The following DENND1A variants were observed in gnomAD, a reference collection of about 807,000 sequenced individuals.
DENND1A encodes the protein DENN domain-containing protein 1A.
In DENND1A, 51 loss-of-function variants were observed where a neutral mutation model predicts 113.7. That is an observed-to-expected ratio of 0.45 (90% CI 0.36 to 0.57). The LOEUF is 0.57. Among genes scored for constraint, DENND1A ranks in the 20% least tolerant of loss-of-function variants. The probability of loss-of-function intolerance (pLI) is 0.00; values close to 1 mark genes in which losing one functional copy is unlikely to be tolerated. For synonymous variants in DENND1A, 565 were observed against 570.8 expected, an observed-to-expected ratio of 0.99 and a Z score of 0.14; for missense variants, 1,258 against 1,395.9, an observed-to-expected ratio of 0.90 and a Z score of 1.57.
At chr9:123,614,913 A>G (rs1162528968) in intron 10 of DENND1A, among the ~76,000 whole-genome samples, 1 of 152,252 alleles carries the variant, frequency 6.6e-6, no homozygotes, top group African/African-American at 2.4e-5. Flanking sequence ...TTTGTAAAAG[A>G]CACAAACGTG....
intron 11 of DENND1A, among the ~76,000 whole-genome samples, chr9:123,583,689 T>G (rs1263960842): frequency 6.6e-6 from 1 of 152,204 alleles, no homozygotes; most frequent in African/African-American, 2.4e-5. Flanking sequence ...TAACAAAGGC[T>G]ACTTGCCCAT....
chr9:123,712,677 CAG>C (rs1388828505), intron 5 of DENND1A, among the ~76,000 whole-genome samples: 1 of 152,158 alleles, frequency 6.6e-6, no homozygotes, highest in Non-Finnish European at 1.5e-5. Context: ...TCTGTTATAA[CAG>C]TGGAAATGTT....
rs192997014 is a variant in DENND1A at position 123,422,155 on chromosome 9, C to T, written c.1489-10326G>A. Reference sequence around the variant, plus strand: ...CTGGCTCCTGGCACAAGGCCTGGCACGCGGTCAAGTTAAAGTAAATGGCTG... The same window carrying T: ...CTGGCTCCTGGCACAAGGCCTGGCATGCGGTCAAGTTAAAGTAAATGGCTG... On this transcript the variant is annotated intron_variant, in intron 19 of 23. Transcript: ENST00000394215. The surrounding 1 kb of genome is among the most constrained non-coding windows in gnomAD (Gnocchi z 4.8). Among the ~76,000 whole-genome samples, 16 of 152,314 alleles carry T rather than the reference C, an allele frequency of 1.1e-4. No homozygotes were observed. Among genetic ancestry groups the T allele is most frequent in the Non-Finnish European group, 2.1e-4 (14 of 68,028 alleles).
chr9:123,398,894 A>G (rs2043280266), intron 21 of DENND1A, among the ~76,000 whole-genome samples: 1 of 151,264 alleles, frequency 6.6e-6, no homozygotes. Context: ...TCCTAGGTTC[A>G]AGCGATTCTC....
At chr9:123,922,498 T>A (rs1468758098) in intron 1 of DENND1A, among the ~76,000 whole-genome samples, 1 of 152,248 alleles carries the variant, frequency 6.6e-6, no homozygotes, top group Non-Finnish European at 1.5e-5. Context: ...CACGTTCCAA[T>A]GCGTCATCTT....
At chr9:123,849,277 C>T (rs1843018107) in intron 2 of DENND1A, among the ~76,000 whole-genome samples, 1 of 152,294 alleles carries the variant, frequency 6.6e-6, no homozygotes. Flanking sequence ...CAATGCTCAT[C>T]GACCATTCTG....
chr9:123,435,523 G>A (rs2046451902), intron 19 of DENND1A, among the ~76,000 whole-genome samples: 1 of 152,200 alleles, frequency 6.6e-6, no homozygotes, highest in African/African-American at 2.4e-5. Flanking sequence ...TGTTCAGATG[G>A]GAGAAGAACA....
At chr9:123,478,816 G>A (rs1450933951) in intron 13 of DENND1A, among the ~76,000 whole-genome samples, 2 of 152,184 alleles carry the variant, frequency 1.3e-5, no homozygotes, top group Non-Finnish European at 1.5e-5. Context: ...GATCCACAAG[G>A]GGACATGAAG....
At chr9:123,729,950 T>TCCAACTGATGTAG (rs2068037062) in intron 5 of DENND1A, among the ~76,000 whole-genome samples, 3 of 152,148 alleles carry the variant, frequency 2.0e-5, no homozygotes, top group Non-Finnish European at 4.4e-5. Context: ...TTAGAAATCA[T>TCCAACTGATGTAG]GCCACACATC....
chr9:123,538,425 A>G (rs1238540567), intron 13 of DENND1A, among the ~76,000 whole-genome samples: 2 of 152,162 alleles, frequency 1.3e-5, no homozygotes, highest in South Asian at 4.1e-4. Context: ...GTCTTGAGAT[A>G]TAATTTCTCA....
At chr9:123,444,240 T>A (rs543355349) in intron 18 of DENND1A, among the ~76,000 whole-genome samples, 70 of 152,356 alleles carry the variant, frequency 4.6e-4, no homozygotes, top group African/African-American at 1.6e-3. Context: ...TGAAATAATA[T>A]GAATTTCTTC....
chr9:123,472,671 C>T (rs2049530328), intron 13 of DENND1A, among the ~76,000 whole-genome samples: 1 of 152,164 alleles, frequency 6.6e-6, no homozygotes, highest in South Asian at 2.1e-4. Context: ...TGAGTTGCTC[C>T]CATTTCCTTG....
chr9:123,661,428 GT>G (rs767660767), intron 8 of DENND1A, among the ~76,000 whole-genome samples: 3 of 152,220 alleles, frequency 2.0e-5, no homozygotes, highest in Non-Finnish European at 4.4e-5. Context: ...ATGCTGACAT[GT>G]CATAACCTAC....
chr9:123,699,123 T>C (rs1325358207), intron 5 of DENND1A, among the ~76,000 whole-genome samples: 2 of 152,142 alleles, frequency 1.3e-5, no homozygotes, highest in Non-Finnish European at 2.9e-5. Flanking sequence ...AAGGATTAAA[T>C]AATACAATTC....
At chr9:123,540,207 G>C (rs2056181916) in intron 13 of DENND1A, among the ~76,000 whole-genome samples, 1 of 152,204 alleles carries the variant, frequency 6.6e-6, no homozygotes, top group South Asian at 2.1e-4. Context: ...CTCTTACGAA[G>C]AGCCAGGTAC....
At chr9:123,720,381 G>A (rs2067254050) in intron 5 of DENND1A, among the ~76,000 whole-genome samples, 1 of 152,082 alleles carries the variant, frequency 6.6e-6, no homozygotes, top group African/African-American at 2.4e-5. Context: ...GGGCAAAAGG[G>A]GGGCCCCAAA....
intron 20 of DENND1A, 33 bp from the exon 21 acceptor site, chr9:123,403,523 G>A (rs1443296778): frequency 2.5e-6 from 4 of 1,592,484 alleles, no homozygotes; most frequent in Non-Finnish European, 3.4e-6. Context: ...GCCCCAAGAA[G>A]GAGTGAGTTG....
chr9:123,909,338 T>TA (rs1853511700), intron 1 of DENND1A, among the ~76,000 whole-genome samples: 1 of 136,668 alleles, frequency 7.3e-6, no homozygotes, highest in African/African-American at 2.7e-5. Context: ...CCCTAAAACT[T>TA]AAAGTATAAA....
Position 123,757,809 on chromosome 9 carries a change from G to T in DENND1A, c.196C>A (p.Gln66Lys). Residue 66 changes from glutamine to lysine, a missense_variant, in exon 5 of 24, where the codon CAA becomes AAA. By Grantham distance (53) the Gln-to-Lys change is moderately conservative. Coordinates refer to ENST00000394215, the MANE Select transcript of DENND1A (RefSeq NM_001352964.2). ...ACGAATGTGAAGTTCTGGCCAACTT[G>T]GCTAACTGTGAGGCTGCAGCAAAGG... Reference protein sequence around the residue: ...PFYVDSLTVSQVGQNFTFVLT... With the variant: ...PFYVDSLTVSKVGQNFTFVLT... 1 of 1,613,838 alleles carries T rather than the reference G, an allele frequency of 6.2e-7. No individual in the cohort carries two copies. The highest frequency in any genetic ancestry group is 2.2e-5 in the East Asian group (1 of 44,830).
Sources: allele counts gnomAD v4.1 joint callset (sites outside exome capture counted in the v4.1 genomes callset), GRCh38; gene constraint gnomAD v4.1.1; non-coding constraint Gnocchi (gnomAD v3.1); transcripts MANE v1.5; gene names NCBI Gene and HGNC (gene_info 2026-07-23, HGNC 2026-07-21).